Variants in CDADC1 observed in about 807,000 individuals in gnomAD.
CDADC1 encodes the protein dCTP deaminase.
Under a neutral mutation model 54.9 loss-of-function variants are expected in CDADC1, and 39 were observed. That is an observed-to-expected ratio of 0.71 (90% CI 0.55 to 0.93). The LOEUF (loss-of-function observed/expected upper bound fraction) is 0.93, where lower values mean the gene tolerates loss of function less well. Ranked by LOEUF, CDADC1 falls within the 40% of genes least tolerant of loss-of-function variation. CDADC1 has a pLI of 0.00. For synonymous variants in CDADC1, 186 were observed against 204.0 expected, an observed-to-expected ratio of 0.91 and a Z score of 0.75; for missense variants, 518 against 618.8, an observed-to-expected ratio of 0.84 and a Z score of 1.73.
chr13:49,277,434 CTAAA>C (rs534048366), intron 6 of CDADC1, among the ~76,000 whole-genome samples: 7 of 151,910 alleles, frequency 4.6e-5, no homozygotes, highest in East Asian at 3.9e-4. Context: ...GACCCTGTCT[CTAAA>C]TAAATAAATA....
At chr13:49,257,676 G>A (rs904685289) in intron 3 of CDADC1, among the ~76,000 whole-genome samples, 1 of 152,144 alleles carries the variant, frequency 6.6e-6, no homozygotes, top group African/African-American at 2.4e-5. Context: ...GCAGGAGAAT[G>A]GCATGAACCC....
intron 2 of CDADC1, among the ~76,000 whole-genome samples, 186 bp downstream of exon 2, chr13:49,249,151 A>G (rs3764131): frequency 6.6e-6 from 1 of 151,998 alleles, no homozygotes; most frequent in South Asian, 2.1e-4. Context: ...TTCTAAAAAT[A>G]CTTTCTGAGA....
intron 8 of CDADC1, among the ~76,000 whole-genome samples, chr13:49,285,309 G>A (rs1953478734): frequency 6.6e-6 from 1 of 151,664 alleles, no homozygotes. Flanking sequence ...CTCTCGAGTA[G>A]CTGGGACTAC....
At chr13:49,255,972 T>G (rs1952537108) in intron 3 of CDADC1, 59 bp downstream of exon 3, 2 of 1,557,018 alleles carry the variant, frequency 1.3e-6, no homozygotes, top group Non-Finnish European at 8.6e-7. Context: ...AGGAATAGTA[T>G]AAAGTAGAAT....
At position 49,248,981 on chromosome 13, in the gene CDADC1, T is replaced by C. The variant is rs1952360073; in HGVS notation, c.177+16T>C. The C allele has an allele frequency of 1.3e-6, 2 of 1,525,820 alleles. No individual in the cohort carries two copies. Among genetic ancestry groups the C allele is most frequent in the East Asian group, 2.2e-5 (1 of 44,474 alleles). 94.5% of individuals were successfully genotyped at this position (1,525,820 alleles called of 1,614,324 possible). ...AAAATCTCAGGTATAATTTGTTTCA[T>C]AGTTTTTCCCCTTAGAAAAGCAGTG... On this transcript the variant is annotated intron_variant, in intron 2 of 9. Coordinates refer to ENST00000251108, the MANE Select transcript of CDADC1 (RefSeq NM_030911.4).
intron 6 of CDADC1, among the ~76,000 whole-genome samples, chr13:49,276,060 A>T (rs1341662024): frequency 6.6e-6 from 1 of 152,098 alleles, no homozygotes; most frequent in Non-Finnish European, 1.5e-5. Context: ...AACCACTGCA[A>T]CCAGCTGGAG....
intron 1 of CDADC1, 49 bp downstream of exon 1, chr13:49,248,168 T>A (rs1360306190): frequency 6.9e-7 from 1 of 1,449,222 alleles, no homozygotes; most frequent in Non-Finnish European, 9.4e-7. Flanking sequence ...CGCTCTGCCC[T>A]GTGCGTCTCC....
chr13:49,258,248 T>C (rs956907056), intron 3 of CDADC1, among the ~76,000 whole-genome samples: 1 of 152,202 alleles, frequency 6.6e-6, no homozygotes, highest in African/African-American at 2.4e-5. Context: ...TATGCTGTAT[T>C]GGGGGATAAG....
intron 8 of CDADC1, among the ~76,000 whole-genome samples, chr13:49,284,861 G>A (rs1487989357): frequency 2.0e-5 from 3 of 152,186 alleles, no homozygotes; most frequent in Non-Finnish European, 4.4e-5. Context: ...CTGAGATGGT[G>A]CCCTAGCAGG....
intron 4 of CDADC1, among the ~76,000 whole-genome samples, chr13:49,261,764 G>A (rs1486633506): frequency 6.6e-6 from 1 of 152,226 alleles, no homozygotes; most frequent in African/African-American, 2.4e-5. Context: ...TGTGCTGAAA[G>A]CAGTCTTAAT....
intron 8 of CDADC1, among the ~76,000 whole-genome samples, chr13:49,283,424 C>G (rs1254134278): frequency 2.0e-5 from 3 of 152,020 alleles, no homozygotes; most frequent in African/African-American, 7.2e-5. Context: ...TCCAACTAGT[C>G]AGAGAAATCT....
Position 49,277,423 on chromosome 13 carries a change from A to G in CDADC1, c.1051-927A>G, listed in dbSNP as rs192576136. Among the ~76,000 whole-genome samples the G allele has an allele frequency of 3.1e-3, 474 of 152,312 alleles. 2 individuals carry two copies. Among genetic ancestry groups the G allele is most frequent in the African/African-American group, 0.01 (430 of 41,564 alleles). ...GAAGTCAAACCTGGGTGACAGAGTG[A>G]GACCCTGTCTCTAAATAAATAAATA... On this transcript the variant is annotated intron_variant, in intron 6 of 9. Transcript: ENST00000251108.
In CDADC1 at chr13:49,267,895, T is replaced by G. The variant is rs1157967672; in HGVS notation, c.836T>G (p.Leu279Arg). 5.6e-6 allele frequency: 9 copies of G among 1,614,028 alleles called. No individual in the cohort carries two copies. The highest frequency in any genetic ancestry group is 6.8e-6 in the Non-Finnish European group (8 of 1,180,040). Residue 279 changes from leucine to arginine, a missense_variant, in exon 5 of 10, where the codon CTT (leucine) becomes CGT (arginine). Coordinates refer to ENST00000251108, the MANE Select transcript of CDADC1 (RefSeq NM_030911.4). ...FSNLRQNMKD[L>R]ILLLATVASS... is the part of the protein sequence containing the mutation. ...AATCTAAGGCAAAACATGAAAGACC[T>G]TATCCTACTTTTGGCCACAGTAGCT... is the stretch of plus-strand genomic sequence containing the variant.
rs750596080 is a variant in CDADC1, at chr13:49,268,074, T to C, written c.1000+15T>C. 1 of 1,584,402 alleles carries C rather than the reference T, an allele frequency of 6.3e-7. No homozygotes were observed. Among genetic ancestry groups the C allele is most frequent in the Admixed American group, 1.7e-5 (1 of 58,712 alleles). On this transcript the variant is annotated intron_variant, in intron 5 of 9. Coordinates refer to ENST00000251108, the MANE Select transcript of CDADC1 (RefSeq NM_030911.4). The stretch of plus-strand genomic sequence containing the variant: ...ATATCGAACTGGTGAGTTACATAGA[T>C]CGTAAATTGGGGCTGATTGGTTGGG...
rs542509509 is a variant in CDADC1, at chr13:49,292,326, T to G, written c.*569T>G. On this transcript the variant is annotated 3_prime_UTR_variant, in exon 10 of 10. Transcript: ENST00000251108. Reference sequence around the variant, plus strand: ...TTGTCTCCATTTTTAAAGTATATTTTGTAAATGTTAATTCTGTGGTCCTGT... The same window carrying G: ...TTGTCTCCATTTTTAAAGTATATTTGGTAAATGTTAATTCTGTGGTCCTGT... The G allele has an allele frequency of 1.9e-5, 19 of 984,622 alleles. No individual in the cohort carries two copies. In the East Asian group the frequency reaches 2.1e-3, roughly 110 times the overall value. The allele number at this position is 984,622 out of a possible 1,614,324, so 61.0% of individuals were successfully genotyped here. A position where few individuals can be genotyped will look rare whatever the true frequency, so the allele number is the denominator to read the frequency against.
In CDADC1 at chr13:49,282,429, CT is replaced by C. The variant is rs113551258; in HGVS notation, c.1410+1736del. Among the ~76,000 whole-genome samples the C allele has an allele frequency of 8.4e-3, 1,275 of 151,952 alleles. 16 individuals are homozygous for C. The highest frequency in any genetic ancestry group is 0.029 in the African/African-American group (1,191 of 41,430). On this transcript the variant is annotated intron_variant, in intron 8 of 9. Coordinates refer to ENST00000251108, the MANE Select transcript of CDADC1 (RefSeq NM_030911.4). ...TCAGCCTATTTTGGTTTTCAAAAAG[CT>C]TTTTATTTGGAAAAAACCTTAAGCA...
intron 5 of CDADC1, among the ~76,000 whole-genome samples, chr13:49,271,086 G>T (rs576764472): frequency 6.6e-6 from 1 of 152,162 alleles, no homozygotes; most frequent in African/African-American, 2.4e-5. Context: ...CTTTTTGAAT[G>T]ATGAATAAAG....
intron 2 of CDADC1, among the ~76,000 whole-genome samples, chr13:49,249,197 G>A (rs974451451): frequency 6.6e-6 from 1 of 152,092 alleles, no homozygotes; most frequent in African/African-American, 2.4e-5. Flanking sequence ...GTATTCATAT[G>A]TCAGTTCGGC....
intron 4 of CDADC1, among the ~76,000 whole-genome samples, chr13:49,264,298 A>G (rs1364162230): frequency 6.6e-6 from 1 of 152,212 alleles, no homozygotes. Context: ...TATAACATGA[A>G]GAGTTTAATT....
Sources: gnomAD v4.1 joint callset for allele counts (sites outside exome capture counted in the v4.1 genomes callset) on GRCh38, gnomAD v4.1.1 for gene constraint, MANE v1.5 for transcripts, NCBI Gene and HGNC (gene_info 2026-07-23, HGNC 2026-07-21) for gene names.